The following AK3 variants were observed in gnomAD, a reference collection of about 807,000 sequenced individuals.
The protein encoded by AK3 is GTP:AMP phosphotransferase AK3, mitochondrial.
Under a neutral mutation model 23.7 loss-of-function variants are expected in AK3, and 27 were observed. That is an observed-to-expected ratio of 1.14 (90% CI 0.84 to 1.57). The LOEUF is 1.57. AK3 is among the 40% of genes most tolerant of loss of function. AK3 has a pLI of 0.00. For synonymous variants in AK3, 159 were observed against 116.0 expected (o/e 1.37, Z -2.38); for missense variants, 406 against 285.6 (o/e 1.42, Z -3.04).
chr9:4,716,645 G>A (rs1297136942), intron 4 of AK3, among the ~76,000 whole-genome samples: 1 of 152,194 alleles, frequency 6.6e-6, no homozygotes, highest in Non-Finnish European at 1.5e-5. Context: ...AAGATGGTTT[G>A]AAAGGCCAGG....
intron 1 of AK3, among the ~76,000 whole-genome samples, chr9:4,724,749 C>T (rs1052048643): frequency 2.0e-5 from 3 of 150,440 alleles, no homozygotes; most frequent in Non-Finnish European, 4.4e-5. Flanking sequence ...ACTGCACTCC[C>T]GCCTGGGCAA....
intron 1 of AK3, among the ~76,000 whole-genome samples, chr9:4,733,659 C>T (rs951069483): frequency 6.6e-5 from 10 of 152,186 alleles, no homozygotes; most frequent in African/African-American, 2.4e-4. Context: ...CTACACTCCC[C>T]TTCCCATTCA....
intron 2 of AK3, among the ~76,000 whole-genome samples, chr9:4,720,949 T>C (rs1013352881): frequency 3.9e-5 from 6 of 152,168 alleles, no homozygotes; most frequent in African/African-American, 1.4e-4. Flanking sequence ...CTGCCAAAGA[T>C]AACCTGTCTC....
chr9:4,728,849 A>ATC (rs1842078060), intron 1 of AK3, among the ~76,000 whole-genome samples: 1 of 13,368 alleles, frequency 7.5e-5, no homozygotes, highest in African/African-American at 1.5e-4. Flanking sequence ...ATATATATAT[A>ATC]TATATATATA....
At chr9:4,736,049 A>AG (rs895437660) in intron 1 of AK3, among the ~76,000 whole-genome samples, 2 of 147,358 alleles carry the variant, frequency 1.4e-5, no homozygotes, top group African/African-American at 2.5e-5. Flanking sequence ...TGGGAGGCGG[A>AG]GGTTACAGTG....
At chr9:4,718,187 A>G (rs1841788451) in intron 4 of AK3, among the ~76,000 whole-genome samples, 1 of 152,218 alleles carries the variant, frequency 6.6e-6, no homozygotes, top group South Asian at 2.1e-4. Context: ...GCCAATACAC[A>G]CACAGGAAGG....
chr9:4,724,997 T>C (rs7025999), intron 1 of AK3, among the ~76,000 whole-genome samples: 5,710 of 150,296 alleles, frequency 0.038, 356 homozygotes, highest in African/African-American at 0.13. Flanking sequence ...TAAACCTAAA[T>C]GTAAGTGCTA....
chr9:4,715,438 G>C (rs1239800891), intron 4 of AK3, among the ~76,000 whole-genome samples: 9 of 138,128 alleles, frequency 6.5e-5, no homozygotes, highest in African/African-American at 1.9e-4. Context: ...TGACACCCGC[G>C]CTCTAGACTG....
rs1318542141 is a variant in AK3, at chr9:4,711,716, C to T, written c.*1260G>A. 9 of 152,210 alleles carry T rather than the reference C, an allele frequency of 5.9e-5. No homozygotes were observed. The highest frequency in any genetic ancestry group is 2.2e-4 in the African/African-American group (9 of 41,440). The allele number at this position is 152,210 out of a possible 1,614,324, so 9.4% of individuals were successfully genotyped here. On this transcript the variant is annotated 3_prime_UTR_variant, in exon 5 of 5. Coordinates refer to ENST00000381809, the MANE Select transcript of AK3 (RefSeq NM_016282.4). ...CTCCATCTCTCATATTTCCCCACTTCTACCAGACCACACAGTACATCAGCA... is the reference window on the plus strand; with the variant it reads ...CTCCATCTCTCATATTTCCCCACTTTTACCAGACCACACAGTACATCAGCA...
chr9:4,718,387 C>T lies in AK3; in HGVS notation c.563+32G>A, dbSNP rs115849745. 6.0e-3 allele frequency: 9,007 copies of T among 1,510,848 alleles called. 399 individuals carry two copies. In the African/African-American group the frequency reaches 0.1, roughly 17 times the overall value. The allele number at this position is 1,510,848 out of a possible 1,614,324, so 93.6% of individuals were successfully genotyped here. On this transcript the variant is annotated intron_variant, in intron 4 of 4. Coordinates refer to ENST00000381809, the MANE Select transcript of AK3 (RefSeq NM_016282.4). ...CAAAACTAGACTTAGTGCACCACTACGCAAGAGAAGTTCTGAAAAGCAAAA... is the reference window on the plus strand; with the variant it reads ...CAAAACTAGACTTAGTGCACCACTATGCAAGAGAAGTTCTGAAAAGCAAAA...
At chr9:4,721,494 C>G (rs62544264) in intron 2 of AK3, among the ~76,000 whole-genome samples, 42,981 of 151,102 alleles carry the variant, frequency 0.28, 7,425 homozygotes, top group Admixed American at 0.36. Flanking sequence ...GAATCTCACT[C>G]TGTCACCCAG....
intron 1 of AK3, among the ~76,000 whole-genome samples, chr9:4,733,020 T>G (rs946444704): frequency 6.6e-6 from 1 of 152,034 alleles, no homozygotes; most frequent in African/African-American, 2.4e-5. Context: ...AATTTTTTTT[T>G]TATTTTTTGT....
At chr9:4,732,138 G>C (rs1235718468) in intron 1 of AK3, among the ~76,000 whole-genome samples, 1 of 151,856 alleles carries the variant, frequency 6.6e-6, no homozygotes, top group East Asian at 1.9e-4. Context: ...TTTTTGTAGA[G>C]AGGGAGTCTT....
chr9:4,721,732 T>C (rs961196442), intron 2 of AK3, among the ~76,000 whole-genome samples: 2 of 152,178 alleles, frequency 1.3e-5, no homozygotes, highest in Admixed American at 6.5e-5. Context: ...GTGCTGGAAT[T>C]AAAGGCGTGA....
At chr9:4,735,537 G>A (rs570835129) in intron 1 of AK3, among the ~76,000 whole-genome samples, 1 of 141,544 alleles carries the variant, frequency 7.1e-6, no homozygotes, top group East Asian at 2.0e-4. Flanking sequence ...GAGTGCAGTG[G>A]CATGATCTTG....
At chr9:4,739,928 G>C (rs982216408) in intron 1 of AK3, among the ~76,000 whole-genome samples, 1 of 151,918 alleles carries the variant, frequency 6.6e-6, no homozygotes, top group African/African-American at 2.4e-5. Context: ...AAAGGTACAC[G>C]TATCTGCGCT....
chr9:4,741,580 C>A (rs1368490856), upstream of AK3: 1 of 153,600 alleles, frequency 6.5e-6, no homozygotes, highest in Non-Finnish European at 1.4e-5. Context: ...CCCCTCTGTC[C>A]GACCTTGGCA....
upstream of AK3, chr9:4,741,203 G>A: frequency 8.4e-7 from 1 of 1,186,690 alleles, no homozygotes; most frequent in Non-Finnish European, 1.1e-6. Flanking sequence ...GGCGGCTACT[G>A]CGGTTCCCCG....
chr9:4,727,627 C>T (rs548571596), intron 1 of AK3, among the ~76,000 whole-genome samples: 1 of 152,282 alleles, frequency 6.6e-6, no homozygotes, highest in Admixed American at 6.5e-5. Flanking sequence ...CAAGCTTTCT[C>T]CATATCAACA....
Sources: gnomAD v4.1 joint callset for allele counts (sites outside exome capture counted in the v4.1 genomes callset) on GRCh38, gnomAD v4.1.1 for gene constraint, MANE v1.5 for transcripts, NCBI Gene and HGNC (gene_info 2026-07-23, HGNC 2026-07-21) for gene names.